HSPA12A: variants seen among roughly 807,000 people sequenced by gnomAD.
The protein encoded by HSPA12A is heat shock 70 kDa protein 12A.
In HSPA12A, 28 loss-of-function variants were observed where a neutral mutation model predicts 69.2. That is an observed-to-expected ratio of 0.40 (90% CI 0.30 to 0.55). The LOEUF (loss-of-function observed/expected upper bound fraction) is 0.55, where lower values mean the gene tolerates loss of function less well. Among genes scored for constraint, HSPA12A ranks in the 20% least tolerant of loss-of-function variants. The pLI is 0.38. For missense variants in HSPA12A, 686 were observed against 900.7 expected, an observed-to-expected ratio of 0.76 and a Z score of 3.05; for synonymous variants, 345 against 370.5, an observed-to-expected ratio of 0.93 and a Z score of 0.79.
chr10:116,811,579 TAAAAA>T lies in HSPA12A; in HGVS notation c.91+23351_91+23355del, dbSNP rs60912684. Among the ~76,000 whole-genome samples, 104 of 105,932 alleles carry T rather than the reference TAAAAA, an allele frequency of 9.8e-4. 3 individuals are homozygous for T. The South Asian group carries it at 0.035, about 36-fold the overall frequency. 69.5% of individuals were successfully genotyped at this position (105,932 alleles called of 152,430 possible). On this transcript the variant is annotated intron_variant, in intron 2 of 12. Coordinates refer to the HSPA12A transcript ENST00000635765. Reference sequence around the variant, plus strand: ...AACTTGGATTCCTCTTTGCTTTTGTTAAAAAAAAAAAAAAAAAAAAAAAAAAGATT... The same window carrying T: ...AACTTGGATTCCTCTTTGCTTTTGTTAAAAAAAAAAAAAAAAAAAAAGATT...
At chr10:116,777,184 C>T (rs1220720550) in intron 2 of HSPA12A, among the ~76,000 whole-genome samples, 1 of 152,200 alleles carries the variant, frequency 6.6e-6, no homozygotes, top group South Asian at 2.1e-4. Context: ...GTTCTTGCCG[C>T]GTGGCACTGG....
chr10:116,840,504 T>C (rs1310418210), intron 1 of HSPA12A, among the ~76,000 whole-genome samples: 2 of 152,236 alleles, frequency 1.3e-5, no homozygotes, highest in Non-Finnish European at 2.9e-5. Flanking sequence ...GAAACTCTAT[T>C]TTTCCTGTCA....
At chr10:116,776,369 T>C (rs1844339264) in intron 2 of HSPA12A, among the ~76,000 whole-genome samples, 1 of 152,234 alleles carries the variant, frequency 6.6e-6, no homozygotes, top group Non-Finnish European at 1.5e-5. Context: ...TAGTGCTTTC[T>C]CCTCTGCCTT....
chr10:116,684,126 G>A (rs537274381), intron 6 of HSPA12A, among the ~76,000 whole-genome samples, 164 bp from the exon 7 acceptor site: 3 of 152,256 alleles, frequency 2.0e-5, no homozygotes, highest in Non-Finnish European at 4.4e-5. Flanking sequence ...AGGGTGCCTC[G>A]GTACTGGGCC....
At chr10:116,781,348 A>G (rs781967724) in intron 2 of HSPA12A, among the ~76,000 whole-genome samples, 8 of 151,974 alleles carry the variant, frequency 5.3e-5, no homozygotes, top group Admixed American at 2.0e-4. Flanking sequence ...CTACTCCCCA[A>G]TCAGTGCCAA....
chr10:116,692,574 G>A, intron 5 of HSPA12A, 107 bp from the exon 6 acceptor site: 1 of 809,524 alleles, frequency 1.2e-6, no homozygotes, highest in South Asian at 1.6e-5. Context: ...CTCTTCAGGA[G>A]CCAGTTTCAG....
intron 1 of HSPA12A, among the ~76,000 whole-genome samples, chr10:116,836,883 G>A (rs1257873508): frequency 6.6e-6 from 1 of 152,020 alleles, no homozygotes; most frequent in Non-Finnish European, 1.5e-5. Flanking sequence ...ATTCTTCTCT[G>A]AGAGGCCATG....
chr10:116,841,250 A>G (rs920431096), intron 1 of HSPA12A, among the ~76,000 whole-genome samples: 1 of 152,214 alleles, frequency 6.6e-6, no homozygotes, highest in African/African-American at 2.4e-5. Flanking sequence ...ATTGTAGCTC[A>G]GGCCAAAGAC....
intron 2 of HSPA12A, among the ~76,000 whole-genome samples, chr10:116,827,001 G>A (rs2133204658): frequency 6.6e-6 from 1 of 152,290 alleles, no homozygotes; most frequent in South Asian, 2.1e-4. Context: ...TGGCAAGCCC[G>A]ATTCAGATCC....
At chr10:116,747,869 C>T (rs375817455) in intron 2 of HSPA12A, among the ~76,000 whole-genome samples, 5 of 152,100 alleles carry the variant, frequency 3.3e-5, no homozygotes, top group South Asian at 4.2e-4. Flanking sequence ...CATGGTGGTG[C>T]GTGCCTGTAA....
At chr10:116,834,655 G>T (rs1354115902) in intron 2 of HSPA12A, among the ~76,000 whole-genome samples, 2 of 152,210 alleles carry the variant, frequency 1.3e-5, no homozygotes, top group Non-Finnish European at 2.9e-5. Context: ...CAATCTGTGC[G>T]TGTGAGTGTG....
At chr10:116,757,501 A>G (rs1843876577) in intron 2 of HSPA12A, among the ~76,000 whole-genome samples, 1 of 152,202 alleles carries the variant, frequency 6.6e-6, no homozygotes, top group African/African-American at 2.4e-5. Context: ...AAAGAGTGAG[A>G]GGGAGGCACT....
intron 2 of HSPA12A, among the ~76,000 whole-genome samples, chr10:116,815,822 C>T (rs926624674): frequency 9.2e-5 from 14 of 152,268 alleles, no homozygotes; most frequent in East Asian, 7.7e-4. Flanking sequence ...AAACAGAAAG[C>T]TTGTTGTTGG....
In HSPA12A at chr10:116,845,028, T is replaced by C. The variant is rs550484455; in HGVS notation, c.3+4538A>G. On this transcript the variant is annotated intron_variant, in intron 1 of 12. Coordinates refer to the HSPA12A transcript ENST00000635765. ...GATATTTTATCTTAAATTAGAGTTA[T>C]AAAGTAGGAGAGATCCAAGATGGAA... Among the ~76,000 whole-genome samples the C allele has an allele frequency of 8.7e-4, 132 of 152,218 alleles. 2 individuals carry two copies. The South Asian group carries it at 0.026, about 30-fold the overall frequency.
chr10:116,747,866 G>A (rs782689017), intron 2 of HSPA12A, among the ~76,000 whole-genome samples: 27 of 152,156 alleles, frequency 1.8e-4, no homozygotes, highest in Non-Finnish European at 3.2e-4. Context: ...GGGCATGGTG[G>A]TGCGTGCCTG....
rs1305644417 is a variant in HSPA12A, at chr10:116,723,528, G to C, written c.41-16243C>G. 6.6e-6 allele frequency among the ~76,000 whole-genome samples: 1 copy of C among 152,186 alleles called. No individual in the cohort carries two copies. Among genetic ancestry groups the C allele is most frequent in the Non-Finnish European group, 1.5e-5 (1 of 68,022 alleles). ...CTGTCTCAGGTCTCAGTTTCCACAA[G>C]TACGTACCAGGCTAACAACTGTCTC... On this transcript the variant is annotated intron_variant, in intron 1 of 11. Coordinates refer to ENST00000369209, the MANE Select transcript of HSPA12A (RefSeq NM_025015.3). The surrounding 1 kb of genome is among the most constrained non-coding windows in gnomAD (Gnocchi z 4.1).
chr10:116,747,462 G>A (rs369262464), upstream of HSPA12A, among the ~76,000 whole-genome samples: 8 of 152,178 alleles, frequency 5.3e-5, no homozygotes, highest in South Asian at 1.0e-3. Context: ...GGGACATCCC[G>A]GAAGCCACAT....
At position 116,831,789 on chromosome 10, in the gene HSPA12A, T is replaced by C. The variant is rs559618111; in HGVS notation, c.91+3146A>G. The C allele has an allele frequency of 2.0e-5, 3 of 152,352 alleles. No individual in the cohort carries two copies. In the South Asian group the frequency reaches 6.2e-4, roughly 32 times the overall value. 9.4% of individuals were successfully genotyped at this position (152,352 alleles called of 1,614,324 possible). A position where few individuals can be genotyped will look rare whatever the true frequency, so the allele number is the denominator to read the frequency against. ...ATGATTTAGTTGCTGAGGAAGGTTTTCTTTACCACTAATCTCCTCCAGAAT... is the reference window on the plus strand; with the variant it reads ...ATGATTTAGTTGCTGAGGAAGGTTTCCTTTACCACTAATCTCCTCCAGAAT... On this transcript the variant is annotated intron_variant, in intron 2 of 12. Transcript: ENST00000635765.
intron 2 of HSPA12A, among the ~76,000 whole-genome samples, chr10:116,765,851 A>G (rs1271355033): frequency 6.6e-6 from 1 of 152,140 alleles, no homozygotes. Context: ...AGACAAACAT[A>G]TTCTTTCCAC....
Sources: allele counts gnomAD v4.1 joint callset (sites outside exome capture counted in the v4.1 genomes callset), GRCh38; gene constraint gnomAD v4.1.1; non-coding constraint Gnocchi (gnomAD v3.1); transcripts MANE v1.5; gene names NCBI Gene and HGNC (gene_info 2026-07-23, HGNC 2026-07-21).